GCNT1: variants seen among roughly 807,000 people sequenced by gnomAD.
The protein encoded by GCNT1 is glucosaminyl (N-acetyl) transferase 1.
Under a neutral mutation model 26.2 loss-of-function variants are expected in GCNT1, and 16 were observed. That is an observed-to-expected ratio of 0.61 (90% CI 0.41 to 0.93). GCNT1 has a LOEUF of 0.93. GCNT1 is among the 40% of genes least tolerant of loss of function. The pLI is 0.00. For missense variants in GCNT1, 477 were observed against 526.7 expected, an observed-to-expected ratio of 0.91 and a Z score of 0.92; for synonymous variants, 183 against 190.8, an observed-to-expected ratio of 0.96 and a Z score of 0.34.
chr9:76,428,265 CAAAAAAA>C (rs869195487), intron 1 of GCNT1, among the ~76,000 whole-genome samples: 14 of 29,768 alleles, frequency 4.7e-4, no homozygotes, highest in South Asian at 2.5e-3. Flanking sequence ...GACTCCGTCT[CAAAAAAA>C]AAAAAAAAAA....
At chr9:76,436,056 A>G (rs908532063) in intron 1 of GCNT1, among the ~76,000 whole-genome samples, 14 of 149,686 alleles carry the variant, frequency 9.4e-5, no homozygotes, top group Non-Finnish European at 1.9e-4. Flanking sequence ...CCTGGGTTCA[A>G]TTCTCCCTCC....
At chr9:76,483,653 G>A (rs1824484440) in intron 2 of GCNT1, among the ~76,000 whole-genome samples, 1 of 152,028 alleles carries the variant, frequency 6.6e-6, no homozygotes, top group Non-Finnish European at 1.5e-5. Flanking sequence ...AAACTCTTGG[G>A]CTCAAGTGAT....
At chr9:76,420,398 C>G (rs117201762) in intron 1 of GCNT1, among the ~76,000 whole-genome samples, 1 of 152,034 alleles carries the variant, frequency 6.6e-6, no homozygotes. Context: ...CTTAGCCTCC[C>G]GAGAAGCCGG....
intron 2 of GCNT1, among the ~76,000 whole-genome samples, chr9:76,476,542 T>C (rs1238566183): frequency 1.4e-5 from 2 of 140,138 alleles, no homozygotes; most frequent in Non-Finnish European, 3.1e-5. Context: ...AGGTTGAAGA[T>C]TGCTATTTAA....
At chr9:76,419,618 A>G (rs1823164156), upstream of GCNT1, among the ~76,000 whole-genome samples, 1 of 152,062 alleles carries the variant, frequency 6.6e-6, no homozygotes, top group African/African-American at 2.4e-5. Context: ...ATATCATGCG[A>G]CTACACTCCA....
At chr9:76,411,471 C>A in the GCNT1 span, among the ~76,000 whole-genome samples, 1 of 151,282 alleles carries the variant, frequency 6.6e-6, no homozygotes, top group Non-Finnish European at 1.5e-5. Context: ...TGAAACTACA[C>A]ATGTATGCCA....
At chr9:76,454,842 CTTTTTTTT>C (rs1183951605), upstream of GCNT1, among the ~76,000 whole-genome samples, 12 of 105,644 alleles carry the variant, frequency 1.1e-4, no homozygotes, top group Admixed American at 4.5e-4. Context: ...CTTTTCTTTT[CTTTTTTTT>C]TTTTTTTTTT....
intron 2 of GCNT1, among the ~76,000 whole-genome samples, chr9:76,472,890 A>T (rs967482993): frequency 6.6e-6 from 1 of 151,880 alleles, no homozygotes; most frequent in African/African-American, 2.4e-5. Context: ...CTGGGATTAC[A>T]GGCGCCTGCC....
chr9:76,404,541 G>A, the GCNT1 span, among the ~76,000 whole-genome samples: 1 of 152,176 alleles, frequency 6.6e-6, no homozygotes, highest in African/African-American at 2.4e-5. Context: ...TGACCTGGTT[G>A]TGAAATTTGA....
chr9:76,427,161 GGA>G (rs1450953124), intron 1 of GCNT1, among the ~76,000 whole-genome samples: 2 of 151,210 alleles, frequency 1.3e-5, no homozygotes, highest in African/African-American at 2.4e-5. Flanking sequence ...TGCACGATAA[GGA>G]GAGAGTCCTC....
At chr9:76,429,012 A>C (rs1433424052) in intron 1 of GCNT1, among the ~76,000 whole-genome samples, 1 of 151,854 alleles carries the variant, frequency 6.6e-6, no homozygotes, top group Non-Finnish European at 1.5e-5. Context: ...TTTTTTTATT[A>C]TTATAGCTTT....
chr9:76,467,289 G>A (rs529682071), intron 2 of GCNT1, among the ~76,000 whole-genome samples: 3 of 152,158 alleles, frequency 2.0e-5, no homozygotes, highest in Non-Finnish European at 4.4e-5. Context: ...TGATCCACCC[G>A]CCTTGGCCTC....
intron 2 of GCNT1, among the ~76,000 whole-genome samples, chr9:76,466,174 G>T (rs1279904808): frequency 6.6e-6 from 1 of 152,232 alleles, no homozygotes; most frequent in Non-Finnish European, 1.5e-5. Context: ...TAGAGGAAGA[G>T]AGGCCTGTTA....
At chr9:76,476,080 C>G (rs1564237409) in intron 2 of GCNT1, among the ~76,000 whole-genome samples, 1 of 152,084 alleles carries the variant, frequency 6.6e-6, no homozygotes, top group African/African-American at 2.4e-5. Flanking sequence ...TAATGGTTAG[C>G]CTTTTGCCAT....
chr9:76,491,453 C>G (rs934715794), intron 2 of GCNT1, among the ~76,000 whole-genome samples: 3 of 152,180 alleles, frequency 2.0e-5, no homozygotes, highest in Admixed American at 2.0e-4. Context: ...TTCCATATTG[C>G]AGCATGGGCA....
chr9:76,406,511 AAAAG>A, the GCNT1 span, among the ~76,000 whole-genome samples: 12 of 149,550 alleles, frequency 8.0e-5, no homozygotes, highest in East Asian at 1.9e-4. Flanking sequence ...AAAAAAAAAA[AAAAG>A]AAAGAAAGAA....
At chr9:76,468,450 C>T (rs1824056144) in intron 2 of GCNT1, among the ~76,000 whole-genome samples, 2 of 152,180 alleles carry the variant, frequency 1.3e-5, no homozygotes, top group Admixed American at 1.3e-4. Flanking sequence ...TCTCTCAGCC[C>T]TCTCCCTTAA....
At chr9:76,425,955 G>T (rs1246356145) in intron 1 of GCNT1, among the ~76,000 whole-genome samples, 1 of 152,158 alleles carries the variant, frequency 6.6e-6, no homozygotes. Context: ...CTCAAGCACT[G>T]ATCTTAGGTT....
At chr9:76,471,452 G>C (rs1377712413) in intron 2 of GCNT1, among the ~76,000 whole-genome samples, 5 of 152,170 alleles carry the variant, frequency 3.3e-5, no homozygotes, top group African/African-American at 9.7e-5. Flanking sequence ...TGGGGCGCTT[G>C]ACTTCCACAA....
Sources: allele counts gnomAD v4.1 joint callset (sites outside exome capture counted in the v4.1 genomes callset), GRCh38; gene constraint gnomAD v4.1.1; transcripts MANE v1.5; gene names NCBI Gene and HGNC (gene_info 2026-07-23, HGNC 2026-07-21).